Variants in HEBP1 observed in about 807,000 individuals in gnomAD.
HEBP1 encodes heme-binding protein 1.
A neutral mutation model predicts 20.4 loss-of-function variants in HEBP1; 13 were observed. The ratio of observed to expected loss-of-function variants is 0.64; its 90% CI spans 0.42 to 1.01. HEBP1 has a LOEUF of 1.01. Ranked by LOEUF, HEBP1 falls within the 50% of genes least tolerant of loss-of-function variation. The probability of loss-of-function intolerance (pLI) is 0.00; values close to 1 mark genes in which losing one functional copy is unlikely to be tolerated. For missense variants in HEBP1, 241 were observed against 247.3 expected, an observed-to-expected ratio of 0.97 and a Z score of 0.17; for synonymous variants, 92 against 90.7, an observed-to-expected ratio of 1.01 and a Z score of -0.08.
At chr12:12,976,091 A>AG (rs1863982033) in intron 3 of HEBP1, among the ~76,000 whole-genome samples, 1 of 151,664 alleles carries the variant, frequency 6.6e-6, no homozygotes, top group African/African-American at 2.4e-5. Flanking sequence ...AAAAAAAAAA[A>AG]AAAAAAAACA....
At position 13,000,264 on chromosome 12, in the gene HEBP1, A is replaced by AGGGTGGCAG; in HGVS notation, c.-151_-150insCTGCCACCC. The AGGGTGGCAG allele has an allele frequency of 3.3e-6, 1 of 299,072 alleles. No individual in the cohort carries two copies. The highest frequency in any genetic ancestry group is 6.1e-6 in the Non-Finnish European group (1 of 164,650). 18.5% of individuals were successfully genotyped at this position (299,072 alleles called of 1,614,324 possible). On this transcript the variant is annotated 5_prime_UTR_variant, in exon 1 of 4. Transcript: ENST00000014930. ...AGGGCGGCAAGGCGGCGGGACGGCG[A>AGGGTGGCAG]GGCGGCGAGGCGAGAGGCGGGGCTA...
intron 3 of HEBP1, chr12:12,983,330 AT>A (rs564109080): frequency 1.4e-4 from 28 of 202,326 alleles, no homozygotes; most frequent in South Asian, 3.7e-4. Flanking sequence ...TGATAGTGCT[AT>A]TTTTTTTCAC....
At chr12:12,983,501 A>C (rs771253299) in intron 3 of HEBP1, 1 of 326,420 alleles carries the variant, frequency 3.1e-6, no homozygotes, top group Non-Finnish European at 6.1e-6. Context: ...CACTCACTGC[A>C]TTATTTGATA....
In HEBP1 at chr12:12,987,313, T is replaced by A; in HGVS notation, c.237A>T (p.Thr79=). The A allele has an allele frequency of 6.2e-7, 1 of 1,613,550 alleles. No homozygotes were observed. Among genetic ancestry groups the A allele is most frequent in the East Asian group, 2.2e-5 (1 of 44,868 alleles). ...TNDKGIGMGM[T]VPISFAVFPN... is the part of the protein sequence containing the mutation. ...GGAACACAGCAAAGGAAATAGGGACTGTCATCCCCATCCCAATTCCTGAAA... is the reference window on the plus strand; with the variant it reads ...GGAACACAGCAAAGGAAATAGGGACAGTCATCCCCATCCCAATTCCTGAAA... Residue 79 remains threonine (T), a synonymous_variant, in exon 3 of 4, where the codon ACA becomes ACT. Coordinates refer to ENST00000014930, the MANE Select transcript of HEBP1 (RefSeq NM_015987.5).
At chr12:12,991,518 G>A (rs1184250290) in intron 1 of HEBP1, among the ~76,000 whole-genome samples, 2 of 151,954 alleles carry the variant, frequency 1.3e-5, no homozygotes, top group African/African-American at 4.8e-5. Flanking sequence ...CCTTTCCCTG[G>A]TGTTTACTCA....
At chr12:12,999,951 T>A in intron 1 of HEBP1, 86 bp downstream of exon 1, 1 of 830,918 alleles carries the variant, frequency 1.2e-6, no homozygotes, top group Non-Finnish European at 1.9e-6. Flanking sequence ...CTGCCCCACC[T>A]GCCCCTCAGC....
At chr12:12,991,195 C>CT (rs1465586981) in intron 1 of HEBP1, among the ~76,000 whole-genome samples, 10 of 152,324 alleles carry the variant, frequency 6.6e-5, no homozygotes, top group African/African-American at 2.2e-4. Flanking sequence ...ACCCACTGGG[C>CT]AGTTACACCA....
intron 1 of HEBP1, among the ~76,000 whole-genome samples, chr12:12,991,457 T>G (rs530923903): frequency 5.9e-4 from 90 of 152,282 alleles, no homozygotes; most frequent in Middle Eastern, 6.8e-3. Context: ...CAAATCCTTC[T>G]TTCATCTCCC....
At chr12:12,987,515 T>C (rs1055970787) in intron 2 of HEBP1, among the ~76,000 whole-genome samples, 183 bp from the exon 3 acceptor site, 2 of 152,186 alleles carry the variant, frequency 1.3e-5, no homozygotes, top group Non-Finnish European at 2.9e-5. Flanking sequence ...GTATACGCTG[T>C]TGGTAGGAGT....
chr12:12,976,761 T>C, intron 3 of HEBP1, among the ~76,000 whole-genome samples: 1 of 152,178 alleles, frequency 6.6e-6, no homozygotes, highest in East Asian at 1.9e-4. Flanking sequence ...TCTTCAAATA[T>C]ATTGAAGAGA....
At chr12:12,976,085 A>AC (rs1431599200) in intron 3 of HEBP1, among the ~76,000 whole-genome samples, 11 of 151,460 alleles carry the variant, frequency 7.3e-5, no homozygotes, top group African/African-American at 2.2e-4. Flanking sequence ...GTCAAAAAAA[A>AC]AAAAAAAAAA....
chr12:12,983,488 A>G, intron 3 of HEBP1: 1 of 308,284 alleles, frequency 3.2e-6, no homozygotes, highest in Non-Finnish European at 6.5e-6. Context: ...TTGTCATTGA[A>G]TGCACTCACT....
chr12:12,987,690 A>G (rs1382098495), intron 2 of HEBP1, among the ~76,000 whole-genome samples: 3 of 147,834 alleles, frequency 2.0e-5, no homozygotes, highest in African/African-American at 7.5e-5. Context: ...GTGCAGTGGC[A>G]TGATCTCGGC....
intron 1 of HEBP1, among the ~76,000 whole-genome samples, chr12:12,997,732 G>C (rs905766317): frequency 6.6e-6 from 1 of 152,186 alleles, no homozygotes. Flanking sequence ...CACAGGCCAC[G>C]AACCAGCCCA....
chr12:12,989,554 G>A (rs1864192808), intron 1 of HEBP1, 139 bp from the exon 2 acceptor site: 1 of 663,678 alleles, frequency 1.5e-6, no homozygotes, highest in Non-Finnish European at 2.6e-6. Flanking sequence ...GAGTATGAAG[G>A]GCCATGAGAA....
In HEBP1 at chr12:12,987,211, T is replaced by C. The variant is rs1423543620; in HGVS notation, c.339A>G (p.Pro113=). 1.2e-6 allele frequency: 2 copies of C among 1,614,074 alleles called. No individual in the cohort carries two copies. The highest frequency in any genetic ancestry group is 3.3e-5 in the Admixed American group (2 of 60,010). ...RIPNQFQSDP[P]APSDKSVKIE... is the part of the protein sequence containing the mutation. Reference sequence around the variant, plus strand: ...TCTTAACGCTTTTGTCACTGGGAGCTGGTGGGTCGCTTTGAAATTGGTTTG... The same window carrying C: ...TCTTAACGCTTTTGTCACTGGGAGCCGGTGGGTCGCTTTGAAATTGGTTTG... Residue 113 remains proline (P), a synonymous_variant, in exon 3 of 4, where the codon CCA becomes CCG. Coordinates refer to ENST00000014930, the MANE Select transcript of HEBP1 (RefSeq NM_015987.5).
chr12:12,999,920 C>T, intron 1 of HEBP1, 117 bp downstream of exon 1: 1 of 580,118 alleles, frequency 1.7e-6, no homozygotes. Context: ...GACACCAGAA[C>T]GCACCTTCGA....
At chr12:12,989,177 C>T in intron 2 of HEBP1, 100 bp downstream of exon 2, 1 of 1,285,996 alleles carries the variant, frequency 7.8e-7, no homozygotes, top group Admixed American at 1.7e-5. Context: ...CAGGTCACTA[C>T]AGGTGCCTTG....
Position 13,000,230 on chromosome 12 carries a change from C to CAGGGCGGA in HEBP1, c.-117_-116insTCCGCCCT, listed in dbSNP as rs1476104822. 5.7e-5 allele frequency: 22 copies of CAGGGCGGA among 384,168 alleles called. No homozygotes were observed. Among genetic ancestry groups the CAGGGCGGA allele is most frequent in the African/African-American group, 4.3e-4 (20 of 46,930 alleles). The allele number at this position is 384,168 out of a possible 1,614,324, so 23.8% of individuals were successfully genotyped here. A position where few individuals can be genotyped will look rare whatever the true frequency, so the allele number is the denominator to read the frequency against. On this transcript the variant is annotated 5_prime_UTR_variant, in exon 1 of 4. Coordinates refer to ENST00000014930, the MANE Select transcript of HEBP1 (RefSeq NM_015987.5). Reference sequence around the variant, plus strand: ...GCAGGGCGGCAGGGCGGCAGGGCGGCAGGGTGGCAGGGCGGCAAGGCGGCG... The same window carrying CAGGGCGGA: ...GCAGGGCGGCAGGGCGGCAGGGCGGCAGGGCGGAAGGGTGGCAGGGCGGCAAGGCGGCG...
Sources: allele counts gnomAD v4.1 joint callset (sites outside exome capture counted in the v4.1 genomes callset), GRCh38; gene constraint gnomAD v4.1.1; transcripts MANE v1.5; gene names NCBI Gene and HGNC (gene_info 2026-07-23, HGNC 2026-07-21).